CA10: variants seen among roughly 807,000 people sequenced by gnomAD.
The protein encoded by CA10 is carbonic anhydrase-related protein 10.
Under a neutral mutation model 44.2 loss-of-function variants are expected in CA10, and 14 were observed. The observed-to-expected ratio is 0.32, with a 90% CI of 0.21 to 0.50. The LOEUF is 0.50. CA10 is among the 20% of genes least tolerant of loss of function. The probability of loss-of-function intolerance (pLI) is 0.99; values close to 1 mark genes in which losing one functional copy is unlikely to be tolerated. For missense variants in CA10, 350 were observed against 409.7 expected, an observed-to-expected ratio of 0.85 and a Z score of 1.26; for synonymous variants, 159 against 141.6, an observed-to-expected ratio of 1.12 and a Z score of -0.87.
chr17:51,746,394 T>C (rs1904690735), intron 4 of CA10, among the ~76,000 whole-genome samples: 1 of 152,164 alleles, frequency 6.6e-6, no homozygotes, highest in African/African-American at 2.4e-5. Flanking sequence ...GATCACACAG[T>C]GTGTATCAAA....
At chr17:51,970,405 C>T (rs1444377957) in intron 2 of CA10, among the ~76,000 whole-genome samples, 1 of 151,838 alleles carries the variant, frequency 6.6e-6, no homozygotes, top group African/African-American at 2.4e-5. Context: ...GTTCCTCTTA[C>T]ACATGAGGAA....
intron 2 of CA10, among the ~76,000 whole-genome samples, chr17:52,020,906 G>A (rs1986118165): frequency 6.6e-6 from 1 of 151,898 alleles, no homozygotes; most frequent in Non-Finnish European, 1.5e-5. Context: ...GTAGTATTTG[G>A]GTTTCTGCTT....
rs368509753 is a variant in CA10, at chr17:51,884,672, ATTAGCACAAACTGGGAGGC to A, written c.279+46299_279+46317del. On this transcript the variant is annotated intron_variant, in intron 3 of 8. Coordinates refer to ENST00000451037, the MANE Select transcript of CA10 (RefSeq NM_020178.5). Reference sequence around the variant, plus strand: ...TTAGTGTCCTAGTGCTGTGTTACAAATTAGCACAAACTGGGAGGCTTAGCGCAAACTGGGAGGCTTAGCA... The same window carrying A: ...TTAGTGTCCTAGTGCTGTGTTACAAATTAGCGCAAACTGGGAGGCTTAGCA... 5.4e-3 allele frequency among the ~76,000 whole-genome samples: 826 copies of A among 152,314 alleles called. 11 individuals carry two copies. The highest frequency in any genetic ancestry group is 0.018 in the African/African-American group (753 of 41,560).
At chr17:52,089,540 G>T (rs1241102727) in intron 1 of CA10, among the ~76,000 whole-genome samples, 1 of 151,642 alleles carries the variant, frequency 6.6e-6, no homozygotes, top group East Asian at 1.9e-4. Flanking sequence ...AGGGGATTAT[G>T]TTCCAAGAAC....
At chr17:51,660,992 C>T (rs1567793135) in intron 4 of CA10, among the ~76,000 whole-genome samples, 2 of 152,106 alleles carry the variant, frequency 1.3e-5, no homozygotes, top group Non-Finnish European at 2.9e-5. Flanking sequence ...TACTTATGAA[C>T]TCCTTTGTAT....
At chr17:51,880,075 T>C (rs1228070821) in intron 3 of CA10, among the ~76,000 whole-genome samples, 1 of 152,130 alleles carries the variant, frequency 6.6e-6, no homozygotes, top group African/African-American at 2.4e-5. Flanking sequence ...AGGGCTCTCA[T>C]ACTCCAGGCC....
At chr17:52,023,740 T>C (rs1986212390) in intron 2 of CA10, among the ~76,000 whole-genome samples, 1 of 150,732 alleles carries the variant, frequency 6.6e-6, no homozygotes, top group African/African-American at 2.4e-5. Flanking sequence ...AAAGGCCTAC[T>C]ATCCAGAATG....
chr17:52,027,715 C>G (rs1007946589), intron 2 of CA10, among the ~76,000 whole-genome samples: 1 of 152,142 alleles, frequency 6.6e-6, no homozygotes, highest in Non-Finnish European at 1.5e-5. Flanking sequence ...CACCCCTACT[C>G]AGAATCAGAG....
chr17:51,835,490 C>A (rs1039815295), intron 3 of CA10, among the ~76,000 whole-genome samples: 2 of 152,224 alleles, frequency 1.3e-5, no homozygotes, highest in Non-Finnish European at 2.9e-5. Flanking sequence ...AGCAATCAGG[C>A]TTTCCTCCTC....
At chr17:51,992,003 A>G (rs1301476704) in intron 2 of CA10, among the ~76,000 whole-genome samples, 1 of 151,970 alleles carries the variant, frequency 6.6e-6, no homozygotes, top group Non-Finnish European at 1.5e-5. Context: ...AACATTTCTA[A>G]CATACCAAGA....
At chr17:51,867,736 T>C (rs962506204) in intron 3 of CA10, among the ~76,000 whole-genome samples, 1 of 152,208 alleles carries the variant, frequency 6.6e-6, no homozygotes, top group African/African-American at 2.4e-5. Context: ...GAGGTGCATG[T>C]CTGTAATTGA....
chr17:52,123,919 G>A (rs1306678781), intron 1 of CA10, among the ~76,000 whole-genome samples: 3 of 152,092 alleles, frequency 2.0e-5, no homozygotes, highest in African/African-American at 7.2e-5. Flanking sequence ...TTGGGACCCT[G>A]TTTAAAAAAA....
intron 3 of CA10, among the ~76,000 whole-genome samples, chr17:51,832,294 C>G (rs73989413): frequency 0.15 from 23,236 of 152,086 alleles, 1,955 homozygotes; most frequent in South Asian, 0.31. Context: ...AGGAGGAGGA[C>G]TAGTGTGGAG....
chr17:51,845,845 A>C (rs918876691), intron 3 of CA10, among the ~76,000 whole-genome samples: 2 of 152,208 alleles, frequency 1.3e-5, no homozygotes, highest in African/African-American at 4.8e-5. Flanking sequence ...GAGTTTTATT[A>C]GTTTTATTAC....
intron 4 of CA10, among the ~76,000 whole-genome samples, chr17:51,713,188 C>G (rs1237297416): frequency 6.6e-6 from 1 of 152,192 alleles, no homozygotes; most frequent in Non-Finnish European, 1.5e-5. Flanking sequence ...AGCTGCTACT[C>G]AAGATGATCT....
intron 4 of CA10, among the ~76,000 whole-genome samples, chr17:51,735,175 G>T (rs922973738): frequency 6.6e-6 from 1 of 152,140 alleles, no homozygotes; most frequent in Admixed American, 6.5e-5. Context: ...TAGAAATGCT[G>T]ACCCTGTATA....
intron 5 of CA10, among the ~76,000 whole-genome samples, chr17:51,649,888 A>AAAAC (rs72183303): frequency 2.1e-4 from 32 of 149,860 alleles, no homozygotes; most frequent in Non-Finnish European, 4.4e-5. Context: ...GAAAAAAAAA[A>AAAAC]AAACTGAAAA....
At chr17:51,780,729 GAGTCAAA>G (rs1906024822) in intron 3 of CA10, among the ~76,000 whole-genome samples, 2 of 152,178 alleles carry the variant, frequency 1.3e-5, no homozygotes, top group Admixed American at 6.5e-5. Flanking sequence ...AGAGGGTATT[GAGTCAAA>G]AGTCAAATCT....
chr17:51,689,594 T>C (rs910292949), intron 4 of CA10, among the ~76,000 whole-genome samples: 3 of 152,170 alleles, frequency 2.0e-5, no homozygotes, highest in Non-Finnish European at 4.4e-5. Flanking sequence ...AGGAAGAACA[T>C]TGATTTTGTG....
Sources: allele counts gnomAD v4.1 joint callset (sites outside exome capture counted in the v4.1 genomes callset), GRCh38; gene constraint gnomAD v4.1.1; transcripts MANE v1.5; gene names NCBI Gene and HGNC (gene_info 2026-07-23, HGNC 2026-07-21).